MYO16: variants seen among roughly 807,000 people sequenced by gnomAD.
The protein encoded by MYO16 is unconventional myosin-XVI.
A neutral mutation model predicts 205.3 loss-of-function variants in MYO16; 94 were observed. That is an observed-to-expected ratio of 0.46 (90% CI 0.39 to 0.54). MYO16 has a LOEUF of 0.54. Among genes scored for constraint, MYO16 ranks in the 20% least tolerant of loss-of-function variants. MYO16 has a pLI of 0.00. For synonymous variants in MYO16, 988 were observed against 954.0 expected (o/e 1.04, Z -0.66); for missense variants, 2,315 against 2,387.5 (o/e 0.97, Z 0.63).
intron 23 of MYO16, 108 bp downstream of exon 23, chr13:109,020,019 A>C (rs919496850): frequency 9.1e-7 from 1 of 1,098,388 alleles, no homozygotes; most frequent in Non-Finnish European, 1.3e-6. Context: ...GGATAAATGG[A>C]AGCTGGATGA....
intron 4 of MYO16, among the ~76,000 whole-genome samples, chr13:108,757,869 C>T (rs951573729): frequency 3.3e-5 from 5 of 152,154 alleles, no homozygotes; most frequent in African/African-American, 4.8e-5. Flanking sequence ...ATGCTACAAA[C>T]GGAGTCCTGT....
intron 4 of MYO16, among the ~76,000 whole-genome samples, chr13:108,784,539 T>G (rs963376851): frequency 6.6e-6 from 1 of 152,202 alleles, no homozygotes; most frequent in Non-Finnish European, 1.5e-5. Context: ...TTTAGAGCCG[T>G]TCTTTGGAAA....
intron 9 of MYO16, among the ~76,000 whole-genome samples, chr13:108,838,285 G>A (rs1055036140): frequency 5.3e-5 from 8 of 151,992 alleles, no homozygotes; most frequent in African/African-American, 1.7e-4. Flanking sequence ...AGCGTGTTTA[G>A]AACAGAAGAC....
At chr13:109,062,186 C>T (rs1887614014) in intron 27 of MYO16, among the ~76,000 whole-genome samples, 1 of 152,096 alleles carries the variant, frequency 6.6e-6, no homozygotes, top group Admixed American at 6.6e-5. Flanking sequence ...TACGCTTTTG[C>T]TAAAATAGTA....
At chr13:108,608,767 C>T (rs113697030) in intron 1 of MYO16, among the ~76,000 whole-genome samples, 11 of 152,050 alleles carry the variant, frequency 7.2e-5, no homozygotes, top group African/African-American at 2.4e-4. Flanking sequence ...CTTGGCCTCC[C>T]GAATAGCTAG....
chr13:108,764,209 CATT>C (rs1885706104), intron 4 of MYO16, among the ~76,000 whole-genome samples: 2 of 152,128 alleles, frequency 1.3e-5, no homozygotes, highest in Middle Eastern at 6.8e-3. Flanking sequence ...CTGTGTGAAA[CATT>C]ATAATAGGAA....
intron 27 of MYO16, among the ~76,000 whole-genome samples, chr13:109,069,134 C>G (rs558968138): frequency 3.3e-5 from 5 of 152,274 alleles, no homozygotes; most frequent in Admixed American, 2.0e-4. Flanking sequence ...GCCTCGATAT[C>G]CCTCCATATT....
At chr13:109,044,548 A>G (rs1886979540) in intron 23 of MYO16, among the ~76,000 whole-genome samples, 2 of 152,150 alleles carry the variant, frequency 1.3e-5, no homozygotes, top group African/African-American at 2.4e-5. Flanking sequence ...ACAGAATTTG[A>G]TGATCATACC....
intron 16 of MYO16, among the ~76,000 whole-genome samples, chr13:108,928,438 T>G (rs894000749): frequency 9.2e-5 from 14 of 152,216 alleles, no homozygotes; most frequent in Non-Finnish European, 1.5e-4. Flanking sequence ...TTACATATAA[T>G]AAAATGGTAA....
chr13:108,889,011 T>C (rs1011994418), intron 14 of MYO16, among the ~76,000 whole-genome samples: 1 of 151,842 alleles, frequency 6.6e-6, no homozygotes, highest in African/African-American at 2.4e-5. Flanking sequence ...GCTGAGATCA[T>C]GCTGTTGCAT....
At chr13:109,187,718 C>T (rs6492170) in intron 34 of MYO16, among the ~76,000 whole-genome samples, 75,395 of 152,042 alleles carry the variant, frequency 0.5, 19,542 homozygotes, top group African/African-American at 0.62. Context: ...TGAGGGTATG[C>T]CTTGTATGAT....
intron 6 of MYO16, among the ~76,000 whole-genome samples, chr13:108,806,217 G>C (rs1337553930): frequency 1.3e-5 from 2 of 152,128 alleles, no homozygotes; most frequent in African/African-American, 4.8e-5. Flanking sequence ...GTGTTTCTGT[G>C]CCTTTTACAC....
chr13:108,821,327 G>A (rs1043722209), intron 8 of MYO16, among the ~76,000 whole-genome samples: 8 of 152,160 alleles, frequency 5.3e-5, no homozygotes, highest in African/African-American at 1.9e-4. Context: ...ATTGTCTAAT[G>A]TTTATTACTT....
At chr13:109,131,901 T>C (rs1876559345) in intron 31 of MYO16, among the ~76,000 whole-genome samples, 1 of 152,154 alleles carries the variant, frequency 6.6e-6, no homozygotes, top group Admixed American at 6.5e-5. Context: ...TGCGTGTGAC[T>C]TTGAAGAAGT....
chr13:109,118,372 TG>T (rs1176445776), intron 28 of MYO16, among the ~76,000 whole-genome samples: 1 of 152,188 alleles, frequency 6.6e-6, no homozygotes, highest in Non-Finnish European at 1.5e-5. Context: ...GAAATGCCAC[TG>T]TAAGAGATCA....
At chr13:109,204,690 A>G (rs1395554385) in intron 34 of MYO16, among the ~76,000 whole-genome samples, 2 of 152,186 alleles carry the variant, frequency 1.3e-5, no homozygotes, top group African/African-American at 4.8e-5. Flanking sequence ...ATTATAGATG[A>G]TGCGAACAAA....
At chr13:108,676,303 T>G (rs900925099) in intron 2 of MYO16, among the ~76,000 whole-genome samples, 1 of 152,072 alleles carries the variant, frequency 6.6e-6, no homozygotes, top group Non-Finnish European at 1.5e-5. Context: ...GGGAAAAATT[T>G]ACATTATTAA....
chr13:109,004,859 C>G (rs183919721), intron 21 of MYO16, among the ~76,000 whole-genome samples: 1 of 152,194 alleles, frequency 6.6e-6, no homozygotes, highest in Non-Finnish European at 1.5e-5. Flanking sequence ...TGTCCATATT[C>G]AAATCGTATT....
At chr13:108,584,471 T>C in the MYO16 span, among the ~76,000 whole-genome samples, 2 of 152,158 alleles carry the variant, frequency 1.3e-5, no homozygotes, top group Non-Finnish European at 2.9e-5. Context: ...TTTCTTTGTG[T>C]TGGGAAACTT....
Sources: allele counts gnomAD v4.1 joint callset (sites outside exome capture counted in the v4.1 genomes callset), GRCh38; gene constraint gnomAD v4.1.1; transcripts MANE v1.5; gene names NCBI Gene and HGNC (gene_info 2026-07-23, HGNC 2026-07-21).